Variants in PPFIA2 observed in about 807,000 individuals in gnomAD.
The protein encoded by PPFIA2 is PPFI scaffold protein A2, also known as liprin-alpha-2.
PPFIA2 carries 46 observed loss-of-function variants against 175.5 expected under a neutral mutation model. That is an observed-to-expected ratio of 0.26 (90% CI 0.21 to 0.34). The LOEUF is 0.34. Among genes scored for constraint, PPFIA2 ranks in the 10% least tolerant of loss-of-function variants. The pLI is 1.00. For synonymous variants in PPFIA2, 568 were observed against 511.4 expected (o/e 1.11, Z -1.49); for missense variants, 1,179 against 1,506.1 (o/e 0.78, Z 3.60).
chr12:81,482,863 C>A (rs1165270719), intron 4 of PPFIA2, among the ~76,000 whole-genome samples: 1 of 151,460 alleles, frequency 6.6e-6, no homozygotes, highest in Non-Finnish European at 1.5e-5. Flanking sequence ...AGGTTCTGCA[C>A]ATGTATCCCA....
chr12:81,561,018 T>C (rs1044779154), intron 4 of PPFIA2, among the ~76,000 whole-genome samples: 10 of 152,136 alleles, frequency 6.6e-5, no homozygotes, highest in African/African-American at 1.9e-4. Flanking sequence ...TGTGTATGTA[T>C]GTGTGTGTGT....
chr12:81,395,960 C>T (rs577067278), intron 8 of PPFIA2, among the ~76,000 whole-genome samples: 32 of 152,158 alleles, frequency 2.1e-4, no homozygotes, highest in African/African-American at 6.7e-4. Context: ...CAGTTATATC[C>T]ATATGCGTGT....
intron 4 of PPFIA2, among the ~76,000 whole-genome samples, chr12:81,491,720 T>A (rs2147080414): frequency 6.6e-6 from 1 of 152,120 alleles, no homozygotes; most frequent in East Asian, 1.9e-4. Context: ...AATAAATAGC[T>A]GTTTAAGCCA....
intron 4 of PPFIA2, among the ~76,000 whole-genome samples, chr12:81,560,888 T>C (rs1017070021): frequency 2.0e-5 from 3 of 152,134 alleles, no homozygotes; most frequent in Admixed American, 6.6e-5. Context: ...AGCTGATAAT[T>C]TTTAATCTAT....
intron 4 of PPFIA2, among the ~76,000 whole-genome samples, chr12:81,489,686 T>A (rs1251672212): frequency 6.6e-6 from 1 of 151,958 alleles, no homozygotes; most frequent in Non-Finnish European, 1.5e-5. Flanking sequence ...AACGTTTCTA[T>A]CAAGTATAAT....
intron 3 of PPFIA2, among the ~76,000 whole-genome samples, chr12:81,719,525 ACTT>A (rs753527569): frequency 3.2e-4 from 48 of 151,602 alleles, no homozygotes; most frequent in African/African-American, 7.5e-4. Context: ...CCTGTGTCAT[ACTT>A]CTTCTTCCTC....
intron 4 of PPFIA2, among the ~76,000 whole-genome samples, chr12:81,657,881 C>T (rs1451067180): frequency 6.6e-6 from 1 of 152,084 alleles, no homozygotes; most frequent in African/African-American, 2.4e-5. Context: ...AAAATAACCC[C>T]CCCAACCCAA....
At chr12:81,483,551 C>T (rs2058484766) in intron 4 of PPFIA2, among the ~76,000 whole-genome samples, 1 of 151,826 alleles carries the variant, frequency 6.6e-6, no homozygotes, top group Non-Finnish European at 1.5e-5. Flanking sequence ...GGAATAATTG[C>T]TAATAGATAC....
intron 16 of PPFIA2, among the ~76,000 whole-genome samples, chr12:81,353,983 GTA>G (rs1274597651): frequency 6.6e-6 from 1 of 152,138 alleles, no homozygotes; most frequent in Non-Finnish European, 1.5e-5. Context: ...TCTATTAAGT[GTA>G]TAATTGCACT....
chr12:81,268,054 C>A lies in PPFIA2; in HGVS notation c.3344G>T (p.Arg1115Leu), dbSNP rs61756413. 2.5e-6 allele frequency: 4 copies of A among 1,597,574 alleles called. No homozygotes were observed. The highest frequency in any genetic ancestry group is 2.6e-6 in the Non-Finnish European group (3 of 1,171,402). Residue 1115 changes from arginine (R) to leucine (L), a missense_variant, in exon 29 of 33, where the codon CGC (arginine) becomes CTC (leucine). Transcript: ENST00000549396. ...VLVWSNDRVI[R>L]WIQAIGLREY... ...TCGAAGTCCAATTGCTTGTATCCAG[C>A]GAATAACTCGGTCATTGCTCCACAC...
chr12:81,692,109 G>GATACACACAC (rs112705933), intron 3 of PPFIA2, among the ~76,000 whole-genome samples: 1 of 149,298 alleles, frequency 6.7e-6, no homozygotes, highest in Non-Finnish European at 1.5e-5. Flanking sequence ...CACAAACACA[G>GATACACACAC]ACACACACAC....
chr12:81,509,946 A>G (rs1451916646), intron 4 of PPFIA2, among the ~76,000 whole-genome samples: 1 of 152,154 alleles, frequency 6.6e-6, no homozygotes, highest in East Asian at 1.9e-4. Context: ...AGGCAACTGG[A>G]ATTTAGAAGA....
At chr12:81,537,620 T>C (rs1235281576) in intron 4 of PPFIA2, among the ~76,000 whole-genome samples, 1 of 151,864 alleles carries the variant, frequency 6.6e-6, no homozygotes, top group African/African-American at 2.4e-5. Flanking sequence ...TAAACTTAGA[T>C]GTTCTCTACA....
chr12:81,328,820 T>TC (rs1215069817), intron 21 of PPFIA2, among the ~76,000 whole-genome samples: 29 of 146,376 alleles, frequency 2.0e-4, no homozygotes, highest in South Asian at 1.9e-3. Flanking sequence ...CTTTCTTTCT[T>TC]TTTTTTTTTT....
In PPFIA2 at chr12:81,294,632, G is replaced by A. The variant is rs577222078; in HGVS notation, c.2925+203C>T. 15 of 592,430 alleles carry A rather than the reference G, an allele frequency of 2.5e-5. No individual in the cohort carries two copies. The African/African-American group carries it at 2.6e-4, about 10-fold the overall frequency. 36.7% of individuals were successfully genotyped at this position (592,430 alleles called of 1,614,324 possible). A position where few individuals can be genotyped will look rare whatever the true frequency, so the allele number is the denominator to read the frequency against. ...GCTAGCTCAAAAGTCTGCTATGCTA[G>A]CTTTCACGTCTGATATGAATCATAG... On this transcript the variant is annotated intron_variant, in intron 24 of 32. Transcript: ENST00000549396.
intron 3 of PPFIA2, among the ~76,000 whole-genome samples, chr12:81,733,831 CA>C (rs1038603271): frequency 1.3e-5 from 2 of 151,666 alleles, no homozygotes; most frequent in Non-Finnish European, 3.0e-5. Flanking sequence ...AAGGGAGAAG[CA>C]TTTTTCATCA....
chr12:81,302,055 G>A, intron 22 of PPFIA2: 1 of 292,228 alleles, frequency 3.4e-6, no homozygotes, highest in Non-Finnish European at 6.8e-6. Context: ...CACAGAAGAG[G>A]TGCTAAATAA....
chr12:81,543,531 C>G (rs1037751224), intron 4 of PPFIA2, among the ~76,000 whole-genome samples: 2 of 152,020 alleles, frequency 1.3e-5, no homozygotes, highest in African/African-American at 4.8e-5. Flanking sequence ...ATATAGAAAT[C>G]TTACAAAGGT....
intron 28 of PPFIA2, among the ~76,000 whole-genome samples, chr12:81,276,765 A>G (rs74103948): frequency 0.014 from 2,173 of 152,264 alleles, 55 homozygotes; most frequent in African/African-American, 0.05. Context: ...AGCTGCAGCA[A>G]TTTACACTGT....
Sources: gnomAD v4.1 joint callset for allele counts (sites outside exome capture counted in the v4.1 genomes callset) on GRCh38, gnomAD v4.1.1 for gene constraint, MANE v1.5 for transcripts, NCBI Gene and HGNC (gene_info 2026-07-23, HGNC 2026-07-21) for gene names.